ARHGAP18: variants seen among roughly 807,000 people sequenced by gnomAD.
ARHGAP18 encodes rho GTPase-activating protein 18.
ARHGAP18 carries 67 observed loss-of-function variants against 86.2 expected under a neutral mutation model. The observed-to-expected ratio is 0.78, with a 90% confidence interval of 0.64 to 0.95. ARHGAP18 has a LOEUF of 0.95. Among genes scored for constraint, ARHGAP18 ranks in the 40% least tolerant of loss-of-function variants. The pLI is 0.00. For missense variants in ARHGAP18, 691 were observed against 780.4 expected (o/e 0.89, Z 1.37); for synonymous variants, 283 against 280.4 (o/e 1.01, Z -0.09).
chr6:129,686,322 G>C (rs983610882), intron 1 of ARHGAP18, among the ~76,000 whole-genome samples: 5 of 152,264 alleles, frequency 3.3e-5, no homozygotes, highest in Middle Eastern at 3.4e-3. Context: ...AGGCTGGGCT[G>C]CTCATCTCCT....
At chr6:129,661,309 T>TAAAA (rs11370799) in intron 1 of ARHGAP18, among the ~76,000 whole-genome samples, 5 of 111,210 alleles carry the variant, frequency 4.5e-5, no homozygotes, top group South Asian at 6.5e-4. Context: ...GCAAGAATCT[T>TAAAA]AAAAAAAAAA....
chr6:129,614,985 G>A (rs1247773722), intron 7 of ARHGAP18, among the ~76,000 whole-genome samples: 1 of 152,056 alleles, frequency 6.6e-6, no homozygotes, highest in Non-Finnish European at 1.5e-5. Flanking sequence ...CTTCCAGTCT[G>A]CTAGCCTGCT....
intron 1 of ARHGAP18, among the ~76,000 whole-genome samples, chr6:129,643,624 T>C (rs1319675712): frequency 1.3e-5 from 2 of 152,226 alleles, no homozygotes; most frequent in Non-Finnish European, 2.9e-5. Context: ...GTGAGGACAA[T>C]AGTTGAATAA....
chr6:129,612,919 C>A (rs1465480118), intron 7 of ARHGAP18, among the ~76,000 whole-genome samples: 1 of 152,106 alleles, frequency 6.6e-6, no homozygotes, highest in Non-Finnish European at 1.5e-5. Context: ...TCAGTCAAAG[C>A]AGTACAGGAT....
At chr6:129,603,114 C>A (rs1788781785) in intron 10 of ARHGAP18, among the ~76,000 whole-genome samples, 1 of 151,920 alleles carries the variant, frequency 6.6e-6, no homozygotes, top group African/African-American at 2.4e-5. Flanking sequence ...GTATAAGCTA[C>A]CCAATATGCA....
At chr6:129,625,618 T>A (rs1327582519) in intron 5 of ARHGAP18, among the ~76,000 whole-genome samples, 1 of 45,996 alleles carries the variant, frequency 2.2e-5, no homozygotes, top group Admixed American at 4.6e-4. Flanking sequence ...TATTATATAT[T>A]TATATATTAT....
chr6:129,584,261 T>G (rs1788347807), intron 12 of ARHGAP18, 149 bp from the exon 13 acceptor site: 1 of 1,064,768 alleles, frequency 9.4e-7, no homozygotes, highest in South Asian at 2.1e-5. Context: ...ATTTGCAAAA[T>G]TACATCAAAC....
rs9492349 is a variant in ARHGAP18, at chr6:129,597,543, C to T, written c.1713+1673G>A. 5.3e-3 allele frequency among the ~76,000 whole-genome samples: 813 copies of T among 152,150 alleles called. 4 individuals are homozygous for T. The highest frequency in any genetic ancestry group is 0.018 in the African/African-American group (739 of 41,498). On this transcript the variant is annotated intron_variant, in intron 12 of 14. Coordinates refer to ENST00000368149, the MANE Select transcript of ARHGAP18 (RefSeq NM_033515.3). Reference sequence around the variant, plus strand: ...TGCTTACTTCCTGTTTTGTAGATTACGGTACCCTGGTCAGGCTTCAATCAC... The same window carrying T: ...TGCTTACTTCCTGTTTTGTAGATTATGGTACCCTGGTCAGGCTTCAATCAC...
chr6:129,582,939 A>C (rs1381162832), intron 13 of ARHGAP18, among the ~76,000 whole-genome samples: 5 of 152,172 alleles, frequency 3.3e-5, no homozygotes, highest in African/African-American at 1.2e-4. Context: ...TCATTTCATC[A>C]CCATCTGTTA....
rs1364006011 is a variant in ARHGAP18, at chr6:129,625,935, A to C, written c.786+3418T>G. On this transcript the variant is annotated intron_variant, in intron 5 of 14. Transcript: ENST00000368149. Reference sequence around the variant, plus strand: ...TATATATTATAGATATTTATATATTATATATTATATATTTATATATTATAT... The same window carrying C: ...TATATATTATAGATATTTATATATTCTATATTATATATTTATATATTATAT... Among the ~76,000 whole-genome samples the C allele has an allele frequency of 4.1e-5, 4 of 98,526 alleles. No individual in the cohort carries two copies. In the South Asian group the frequency reaches 1.0e-3, roughly 25 times the overall value. The allele number at this position is 98,526 out of a possible 152,430, so 64.6% of individuals were successfully genotyped here. A position where few individuals can be genotyped will look rare whatever the true frequency, so the allele number is the denominator to read the frequency against.
intron 8 of ARHGAP18, among the ~76,000 whole-genome samples, chr6:129,608,944 G>C (rs181831707): frequency 6.6e-6 from 1 of 151,234 alleles, no homozygotes; most frequent in East Asian, 1.9e-4. Flanking sequence ...GTGAAGGGGA[G>C]TGGCAAAGAC....
At chr6:129,611,112 A>G (rs1252052652) in intron 8 of ARHGAP18, among the ~76,000 whole-genome samples, 2 of 151,954 alleles carry the variant, frequency 1.3e-5, no homozygotes, top group African/African-American at 4.8e-5. Context: ...TTGTTGCCCA[A>G]GGTGGTCTTG....
intron 1 of ARHGAP18, among the ~76,000 whole-genome samples, chr6:129,703,733 G>A (rs1774755498): frequency 6.6e-6 from 1 of 152,296 alleles, no homozygotes; most frequent in Non-Finnish European, 1.5e-5. Flanking sequence ...TATGGATAGG[G>A]TTTTTAAACC....
intron 1 of ARHGAP18, chr6:129,661,706 T>C (rs1232413761): frequency 2.0e-5 from 4 of 200,580 alleles, no homozygotes; most frequent in Non-Finnish European, 2.7e-5. Context: ...TGTGACTTTC[T>C]ATGAACCAAA....
chr6:129,702,411 T>C (rs1774729882), intron 1 of ARHGAP18, among the ~76,000 whole-genome samples: 1 of 152,080 alleles, frequency 6.6e-6, no homozygotes, highest in African/African-American at 2.4e-5. Flanking sequence ...ATCCCTTTTT[T>C]ATCGAAAGAA....
At chr6:129,659,026 A>G (rs1191139843) in intron 1 of ARHGAP18, among the ~76,000 whole-genome samples, 1 of 152,258 alleles carries the variant, frequency 6.6e-6, no homozygotes, top group Non-Finnish European at 1.5e-5. Flanking sequence ...AATTAATGTT[A>G]ATTTTAACCC....
intron 12 of ARHGAP18, among the ~76,000 whole-genome samples, chr6:129,596,342 C>T (rs1788615945): frequency 6.6e-6 from 1 of 152,140 alleles, no homozygotes; most frequent in African/African-American, 2.4e-5. Context: ...TCTGCCTGGA[C>T]TGAGTTTCCT....
At chr6:129,589,765 A>C (rs1333065907) in intron 12 of ARHGAP18, among the ~76,000 whole-genome samples, 1 of 152,180 alleles carries the variant, frequency 6.6e-6, no homozygotes, top group Admixed American at 6.5e-5. Context: ...GAGTTTATTA[A>C]GGAGTATTGA....
rs766537779 is a variant in ARHGAP18, at chr6:129,629,338, G to A, written c.786+15C>T. 3.1e-6 allele frequency: 5 copies of A among 1,607,904 alleles called. No homozygotes were observed. In the South Asian group the frequency reaches 4.4e-5, roughly 14 times the overall value. On this transcript the variant is annotated intron_variant, in intron 5 of 14. Transcript: ENST00000368149. ...ATGTACATATATGTATATTTATAAA[G>A]AGTGTACTACGTACAGGTAATGTGG...
Sources: allele counts gnomAD v4.1 joint callset (sites outside exome capture counted in the v4.1 genomes callset), GRCh38; gene constraint gnomAD v4.1.1; transcripts MANE v1.5; gene names NCBI Gene and HGNC (gene_info 2026-07-23, HGNC 2026-07-21).